CDH13: variants seen among roughly 807,000 people sequenced by gnomAD.
CDH13 encodes the protein cadherin-13.
A neutral mutation model predicts 63.8 loss-of-function variants in CDH13; 24 were observed. The observed-to-expected ratio is 0.38, with a 90% CI of 0.27 to 0.53. CDH13 has a LOEUF of 0.53. CDH13 is among the 20% of genes least tolerant of loss of function. CDH13 has a pLI of 0.85. For synonymous variants in CDH13, 503 were observed against 355.3 expected, an observed-to-expected ratio of 1.42 and a Z score of -4.67; for missense variants, 1,049 against 903.1, an observed-to-expected ratio of 1.16 and a Z score of -2.07.
At chr16:82,976,504 T>G (rs1369009985) in intron 2 of CDH13, among the ~76,000 whole-genome samples, 1 of 152,166 alleles carries the variant, frequency 6.6e-6, no homozygotes, top group Admixed American at 6.5e-5. Flanking sequence ...TAGATTAAAA[T>G]AATAATTGTT....
chr16:83,592,764 A>G (rs1049435971), intron 7 of CDH13, among the ~76,000 whole-genome samples: 4 of 152,180 alleles, frequency 2.6e-5, no homozygotes, highest in African/African-American at 9.7e-5. Context: ...GCCCCCAGCC[A>G]CGAATGCAAA....
At chr16:82,858,313 GC>G (rs762135183) in intron 1 of CDH13, 48 bp from the exon 2 acceptor site, 65 of 1,275,386 alleles carry the variant, frequency 5.1e-5, no homozygotes, top group Non-Finnish European at 7.1e-5. Flanking sequence ...AGTTAGCAGG[GC>G]AAACACATAA....
chr16:83,602,936 CTA>C (rs1907985011), intron 8 of CDH13, among the ~76,000 whole-genome samples: 1 of 152,160 alleles, frequency 6.6e-6, no homozygotes, highest in South Asian at 2.1e-4. Context: ...ATAACAATAA[CTA>C]TTTTTTTCCA....
intron 10 of CDH13, among the ~76,000 whole-genome samples, chr16:83,722,356 C>T (rs141024469): frequency 3.3e-5 from 5 of 152,268 alleles, no homozygotes; most frequent in Non-Finnish European, 5.9e-5. Context: ...CCCTGTTATT[C>T]GTAGGGAGAT....
intron 3 of CDH13, among the ~76,000 whole-genome samples, chr16:83,088,227 C>G (rs1270850835): frequency 6.6e-6 from 1 of 152,146 alleles, no homozygotes; most frequent in Non-Finnish European, 1.5e-5. Flanking sequence ...TCAACTCTGA[C>G]ATGTTATTTC....
chr16:83,166,776 C>A (rs2037691316), intron 4 of CDH13, among the ~76,000 whole-genome samples: 1 of 152,012 alleles, frequency 6.6e-6, no homozygotes, highest in Non-Finnish European at 1.5e-5. Flanking sequence ...CAAAAAATGC[C>A]CGTTGGGCAT....
chr16:82,773,610 C>A (rs1405715005), intron 1 of CDH13: 2 of 152,186 alleles, frequency 1.3e-5, no homozygotes, highest in African/African-American at 4.8e-5. Flanking sequence ...TGTCATCAAT[C>A]TCCAATTCAT....
At chr16:83,742,710 C>T (rs2150964810) in intron 10 of CDH13, among the ~76,000 whole-genome samples, 1 of 152,278 alleles carries the variant, frequency 6.6e-6, no homozygotes, top group East Asian at 1.9e-4. Context: ...GTTCTCCCTC[C>T]ACATCGGGAA....
At position 83,744,726 on chromosome 16, in the gene CDH13, C is replaced by T. The variant is rs1181769141; in HGVS notation, c.1539-3382C>T. On this transcript the variant is annotated intron_variant, in intron 10 of 13. Coordinates refer to ENST00000567109, the MANE Select transcript of CDH13 (RefSeq NM_001257.5). ...AGGGCGCCCCGCACAAGACCAAGCCCTTTGTGTCAGCTTCAGTTTGCCCTC... is the reference window on the plus strand; with the variant it reads ...AGGGCGCCCCGCACAAGACCAAGCCTTTTGTGTCAGCTTCAGTTTGCCCTC... Among the ~76,000 whole-genome samples, 3 of 152,326 alleles carry T rather than the reference C, an allele frequency of 2.0e-5. No homozygotes were observed. In the East Asian group the frequency reaches 5.8e-4, roughly 30 times the overall value.
chr16:83,032,193 G>T lies in CDH13; in HGVS notation c.341G>T (p.Gly114Val). 6.2e-7 allele frequency: 1 copy of T among 1,613,578 alleles called. No individual in the cohort carries two copies. Among genetic ancestry groups the T allele is most frequent in the Non-Finnish European group, 8.5e-7 (1 of 1,179,666 alleles). ...EDMAELVIVG[G>V]KDIQGSLQDI... ...ATGGCAGAACTCGTGATTGTCGGGG[G>T]GAAAGACATCCAGGGCTCCTTGCAG... The change falls in exon 3 of 14, where the codon GGG (glycine) becomes GTG (valine). Residue 114 changes from glycine to valine, a missense_variant. By Grantham distance (109) the Gly-to-Val change is moderately radical (BLOSUM62 -3). Transcript: ENST00000567109.
intron 1 of CDH13, among the ~76,000 whole-genome samples, chr16:82,628,150 G>A (rs1795685690): frequency 6.6e-6 from 1 of 152,220 alleles, no homozygotes; most frequent in Non-Finnish European, 1.5e-5. Flanking sequence ...GCGCTGCTCA[G>A]GGGCCTGTGG....
intron 3 of CDH13, among the ~76,000 whole-genome samples, chr16:83,064,359 A>ATT (rs1555574183): frequency 1.3e-5 from 2 of 151,858 alleles, no homozygotes; most frequent in Admixed American, 1.3e-4. Flanking sequence ...ACAAAGTGAG[A>ATT]CTGTCTCAAA....
At chr16:83,163,326 TC>T (rs1214290465) in intron 4 of CDH13, among the ~76,000 whole-genome samples, 1 of 151,934 alleles carries the variant, frequency 6.6e-6, no homozygotes, top group Non-Finnish European at 1.5e-5. Context: ...CTACATAGGT[TC>T]TCTGCATTGG....
At position 83,179,481 on chromosome 16, in the gene CDH13, T is replaced by TAAAAAAAAAAAAA. The variant is rs565547312; in HGVS notation, c.484-37855_484-37843dup. ...TAACACAGTGAAACCCCGTCTCTACTAAAAAAAAAAAAAAAAAAAAATTAG... is the reference window on the plus strand; with the variant it reads ...TAACACAGTGAAACCCCGTCTCTACTAAAAAAAAAAAAAAAAAAAAAAAAAAAAAAAAAATTAG... On this transcript the variant is annotated intron_variant, in intron 4 of 13. Coordinates refer to ENST00000567109, the MANE Select transcript of CDH13 (RefSeq NM_001257.5). 1.9e-3 allele frequency among the ~76,000 whole-genome samples: 134 copies of TAAAAAAAAAAAAA among 69,058 alleles called. 7 individuals are homozygous for TAAAAAAAAAAAAA. The highest frequency in any genetic ancestry group is 5.3e-3 in the African/African-American group (76 of 14,302). The allele number at this position is 69,058 out of a possible 152,430, so 45.3% of individuals were successfully genotyped here.
At chr16:83,111,256 A>C (rs142121042) in intron 3 of CDH13, among the ~76,000 whole-genome samples, 1 of 152,186 alleles carries the variant, frequency 6.6e-6, no homozygotes, top group Non-Finnish European at 1.5e-5. Flanking sequence ...AGAGTAAAAA[A>C]AATCCCTAAT....
rs1031556199 is a variant in CDH13 at position 83,559,642 on chromosome 16, G to A, written c.961-42812G>A. ...GAAAGAGAAAGAAAAAGAGAGAGAG[G>A]GAGGGAGGGAGCGAGGGAAGGAAAA... is the stretch of plus-strand genomic sequence containing the variant. On this transcript the variant is annotated intron_variant, in intron 7 of 13. Transcript: ENST00000567109. 8.6e-5 allele frequency among the ~76,000 whole-genome samples: 13 copies of A among 151,738 alleles called. No individual in the cohort carries two copies. In the East Asian group the frequency reaches 1.2e-3, roughly 14 times the overall value.
intron 7 of CDH13, among the ~76,000 whole-genome samples, chr16:83,588,435 A>AT (rs1353175484): frequency 3.3e-5 from 5 of 152,080 alleles, no homozygotes; most frequent in African/African-American, 9.7e-5. Flanking sequence ...AGTTTGTGTG[A>AT]TTTTTCCCCC....
At chr16:82,635,679 A>C (rs1407509975) in intron 1 of CDH13, among the ~76,000 whole-genome samples, 1 of 152,222 alleles carries the variant, frequency 6.6e-6, no homozygotes, top group African/African-American at 2.4e-5. Flanking sequence ...GGATTCAGGA[A>C]CGACGGTGCA....
rs188937743 is a variant in CDH13, at chr16:83,217,559, C to G, written c.636+62C>G. 1.1e-3 allele frequency: 1,660 copies of G among 1,525,696 alleles called. 1 individual carries two copies. The highest frequency in any genetic ancestry group is 3.0e-3 in the Admixed American group (169 of 57,266). 94.5% of individuals were successfully genotyped at this position (1,525,696 alleles called of 1,614,324 possible). On this transcript the variant is annotated intron_variant, in intron 5 of 13. Coordinates refer to ENST00000567109, the MANE Select transcript of CDH13 (RefSeq NM_001257.5). ...AAATGTGGCTTTCAAAGATTGTTTTCTTCCCACTGAGCTCATTATTTCTGT... is the reference window on the plus strand; with the variant it reads ...AAATGTGGCTTTCAAAGATTGTTTTGTTCCCACTGAGCTCATTATTTCTGT...
Sources: allele counts gnomAD v4.1 joint callset (sites outside exome capture counted in the v4.1 genomes callset), GRCh38; gene constraint gnomAD v4.1.1; transcripts MANE v1.5; gene names NCBI Gene and HGNC (gene_info 2026-07-23, HGNC 2026-07-21).